Variants in EIF4B observed in about 807,000 individuals in gnomAD.
The protein encoded by EIF4B is eukaryotic translation initiation factor 4B.
Under a neutral mutation model 79.3 loss-of-function variants are expected in EIF4B, and 8 were observed. That is an observed-to-expected ratio of 0.10 (90% CI 0.06 to 0.18). The LOEUF (loss-of-function observed/expected upper bound fraction) is 0.18, where lower values mean the gene tolerates loss of function less well. Ranked by LOEUF, EIF4B falls within the 10% of genes least tolerant of loss-of-function variation. The pLI is 1.00. For synonymous variants in EIF4B, 238 were observed against 274.7 expected (o/e 0.87, Z 1.32); for missense variants, 515 against 792.4 (o/e 0.65, Z 4.20).
chr12:53,041,910 CTA>C lies in EIF4B; in HGVS notation c.*1689_*1690del, dbSNP rs982499615. ...TTCTTTTTTAAAAAAGAAAAACAAA[CTA>C]TTGATTGTAGATAATGAAAAGCTAG... On this transcript the variant is annotated 3_prime_UTR_variant, in exon 15 of 15. Transcript: ENST00000262056. 3.5e-4 allele frequency: 54 copies of C among 152,438 alleles called. No homozygotes were observed. The highest frequency in any genetic ancestry group is 1.2e-3 in the African/African-American group (48 of 41,468). The allele number at this position is 152,438 out of a possible 1,614,324, so 9.4% of individuals were successfully genotyped here. A position where few individuals can be genotyped will look rare whatever the true frequency, so the allele number is the denominator to read the frequency against.
intron 5 of EIF4B, 48 bp from the exon 6 acceptor site, chr12:53,022,445 A>C: frequency 6.2e-7 from 1 of 1,603,000 alleles, no homozygotes; most frequent in Non-Finnish European, 8.5e-7. Context: ...AATATTGGGC[A>C]AAGTTTTTAT....
chr12:53,027,424 C>T (rs1241621397), intron 6 of EIF4B, among the ~76,000 whole-genome samples: 2 of 151,676 alleles, frequency 1.3e-5, no homozygotes, highest in Non-Finnish European at 2.9e-5. Context: ...CATGAGCCAC[C>T]GTGACCAGCT....
chr12:53,023,480 C>T (rs771710983), intron 6 of EIF4B, among the ~76,000 whole-genome samples: 10 of 152,072 alleles, frequency 6.6e-5, no homozygotes, highest in Non-Finnish European at 1.3e-4. Flanking sequence ...ATCCGCCCGC[C>T]TTGGCCTCCC....
intron 1 of EIF4B, among the ~76,000 whole-genome samples, chr12:53,007,896 T>C (rs17747998): frequency 0.034 from 5,196 of 152,282 alleles, 112 homozygotes; most frequent in South Asian, 0.13. Flanking sequence ...GTGGTATTTC[T>C]CAGCTAAGGA....
At chr12:53,033,552 A>C (rs895475124) in intron 8 of EIF4B, among the ~76,000 whole-genome samples, 7 of 148,294 alleles carry the variant, frequency 4.7e-5, no homozygotes, top group African/African-American at 1.5e-4. Flanking sequence ...CATGTTGTCC[A>C]GGATAGTCTC....
chr12:53,038,035 A>C, intron 11 of EIF4B: 1 of 269,646 alleles, frequency 3.7e-6, no homozygotes. Flanking sequence ...AGGCAGGAGA[A>C]TTGCTTGAAC....
intron 8 of EIF4B, among the ~76,000 whole-genome samples, chr12:53,030,941 C>G (rs1274707524): frequency 6.6e-6 from 1 of 151,974 alleles, no homozygotes; most frequent in African/African-American, 2.4e-5. Context: ...TCACACTGTC[C>G]CTTACCTCCC....
rs148499096 is a variant in EIF4B at position 53,012,881 on chromosome 12, C to T, written c.14-3592C>T. ...TCGGCCTCCCAAAGTGCTGGGATTA[C>T]AGGCGTGAGCCACCACACCCAACAG... On this transcript the variant is annotated intron_variant, in intron 1 of 14. Coordinates refer to ENST00000262056, the MANE Select transcript of EIF4B (RefSeq NM_001417.7). 0.012 allele frequency among the ~76,000 whole-genome samples: 1,902 copies of T among 152,266 alleles called. 75 individuals are homozygous for T. In the East Asian group the frequency reaches 0.14, roughly 12 times the overall value.
chr12:53,033,706 T>A (rs564528276), intron 8 of EIF4B, 100 bp from the exon 9 acceptor site: 18 of 1,297,342 alleles, frequency 1.4e-5, no homozygotes, highest in Non-Finnish European at 1.9e-5. Flanking sequence ...AACTTGAATC[T>A]CATGTAGCAT....
intron 2 of EIF4B, among the ~76,000 whole-genome samples, chr12:53,017,391 T>C (rs1943165704): frequency 6.6e-6 from 1 of 151,116 alleles, no homozygotes; most frequent in Non-Finnish European, 1.5e-5. Flanking sequence ...GGAAAAGGAG[T>C]GAGAACAGTA....
rs181096031 is a variant in EIF4B at position 53,018,697 on chromosome 12, A to G, written c.152-101A>G. 22 of 1,379,366 alleles carry G rather than the reference A, an allele frequency of 1.6e-5. No individual in the cohort carries two copies. In the East Asian group the frequency reaches 3.2e-4, roughly 20 times the overall value. 85.4% of individuals were successfully genotyped at this position (1,379,366 alleles called of 1,614,324 possible). ...ACTTTTTTTGGTCTGGTTTTCTTGT[A>G]TAGCATGTTTAATATTTGGCAATTA... On this transcript the variant is annotated intron_variant, in intron 2 of 14. Coordinates refer to ENST00000262056, the MANE Select transcript of EIF4B (RefSeq NM_001417.7).
chr12:53,016,372 C>T lies in EIF4B; in HGVS notation c.14-101C>T, dbSNP rs560084925. On this transcript the variant is annotated intron_variant, in intron 1 of 14. Transcript: ENST00000262056. ...ATAATTTAACCATTTGAGGAGCGTC[C>T]ATGTTATTTCTTTCTAAATAATGTT... 49 of 1,457,636 alleles carry T rather than the reference C, an allele frequency of 3.4e-5. No individual in the cohort carries two copies. The East Asian group carries it at 1.1e-3, about 32-fold the overall frequency. 90.3% of individuals were successfully genotyped at this position (1,457,636 alleles called of 1,614,324 possible). A position where few individuals can be genotyped will look rare whatever the true frequency, so the allele number is the denominator to read the frequency against.
In EIF4B at chr12:53,033,247, G is replaced by A. The variant is rs546763800; in HGVS notation, c.980-559G>A. ...TTGGTTGTGTTGGTCTCGAACTCCC[G>A]ACCCCAGGTGATCCACCCGCCTCGG... On this transcript the variant is annotated intron_variant, in intron 8 of 14. Coordinates refer to ENST00000262056, the MANE Select transcript of EIF4B (RefSeq NM_001417.7). 4.0e-5 allele frequency among the ~76,000 whole-genome samples: 6 copies of A among 151,704 alleles called. No individual in the cohort carries two copies. In the East Asian group the frequency reaches 7.7e-4, roughly 20 times the overall value.
In EIF4B at chr12:53,030,426, T is replaced by C. The variant is rs1425058871; in HGVS notation, c.979+2238T>C. 5.1e-3 allele frequency among the ~76,000 whole-genome samples: 432 copies of C among 84,728 alleles called. 17 individuals carry two copies. The highest frequency in any genetic ancestry group is 0.019 in the African/African-American group (409 of 22,106). The allele number at this position is 84,728 out of a possible 152,430, so 55.6% of individuals were successfully genotyped here. A position where few individuals can be genotyped will look rare whatever the true frequency, so the allele number is the denominator to read the frequency against. On this transcript the variant is annotated intron_variant, in intron 8 of 14. Coordinates refer to ENST00000262056, the MANE Select transcript of EIF4B (RefSeq NM_001417.7). ...AAAAATTATATTCTTTTTTTTTTTT[T>C]TTTTTTTTTTTTGAGACGGAGTCTC...
chr12:53,021,958 G>C, intron 5 of EIF4B, 98 bp downstream of exon 5: 2 of 1,408,542 alleles, frequency 1.4e-6, no homozygotes, highest in South Asian at 1.2e-5. Flanking sequence ...TGGTGGGCCT[G>C]CCTGAATCTA....
rs749632380 is a variant in EIF4B at position 53,028,746 on chromosome 12, G to GT, written c.979+562dup. 5.3e-5 allele frequency among the ~76,000 whole-genome samples: 8 copies of GT among 152,098 alleles called. No homozygotes were observed. The East Asian group carries it at 7.7e-4, about 15-fold the overall frequency. ...CAGTAAATTACACTTAAAACAGATG[G>GT]TTTTAGCTCCATTTTCCAAGTAAGG... On this transcript the variant is annotated intron_variant, in intron 8 of 14. Coordinates refer to ENST00000262056, the MANE Select transcript of EIF4B (RefSeq NM_001417.7).
At chr12:53,031,384 C>G (rs988492618) in intron 8 of EIF4B, among the ~76,000 whole-genome samples, 1 of 152,172 alleles carries the variant, frequency 6.6e-6, no homozygotes, top group African/African-American at 2.4e-5. Flanking sequence ...TCAAGTGATC[C>G]TCCTTCCTCA....
chr12:53,023,578 A>ATTTTTTTTTTTTTTTTTTTTTTTT (rs1210893432), intron 6 of EIF4B, among the ~76,000 whole-genome samples: 1 of 109,226 alleles, frequency 9.2e-6, no homozygotes, highest in African/African-American at 3.7e-5. Flanking sequence ...AAAATGTAAA[A>ATTTTTTTTTTTTTTTTTTTTTTTT]TTTTTTTTTT....
chr12:53,036,302 C>T (rs759067805), intron 10 of EIF4B, among the ~76,000 whole-genome samples: 3 of 152,052 alleles, frequency 2.0e-5, no homozygotes, highest in South Asian at 2.1e-4. Flanking sequence ...TTAGTAAAGA[C>T]GGGGTTTCAC....
Sources: gnomAD v4.1 joint callset for allele counts (sites outside exome capture counted in the v4.1 genomes callset) on GRCh38, gnomAD v4.1.1 for gene constraint, MANE v1.5 for transcripts, NCBI Gene and HGNC (gene_info 2026-07-23, HGNC 2026-07-21) for gene names.